RBM33: variants seen among roughly 807,000 people sequenced by gnomAD.
The protein encoded by RBM33 is RNA binding motif protein 33.
A neutral mutation model predicts 132.6 loss-of-function variants in RBM33; 28 were observed. That is an observed-to-expected ratio of 0.21 (90% CI 0.16 to 0.29). The LOEUF (loss-of-function observed/expected upper bound fraction) is 0.29. RBM33 is among the 10% of genes least tolerant of loss of function. The probability of loss-of-function intolerance (pLI) is 1.00; values close to 1 mark genes in which losing one functional copy is unlikely to be tolerated. For missense variants in RBM33, 1,291 were observed against 1,518.5 expected (o/e 0.85, Z 2.49); for synonymous variants, 634 against 593.0 (o/e 1.07, Z -1.01).
rs757969163 is a variant in RBM33 at position 155,707,040 on chromosome 7, C to T, written c.920C>T (p.Ala307Val). The T allele has an allele frequency of 7.0e-6, 11 of 1,561,706 alleles. No homozygotes were observed. Among genetic ancestry groups the T allele is most frequent in the South Asian group, 2.4e-5 (2 of 84,722 alleles). Residue 307 changes from alanine (A) to valine (V), a missense_variant, in exon 7 of 18, where the codon GCG (alanine) becomes GTG (valine). Transcript: ENST00000401878. ...GGCAGGATGAAGGACCACAGACCTGCGCTGCTTCCTACACAGCCTCCTGTC... is the reference window on the plus strand; with the variant it reads ...GGCAGGATGAAGGACCACAGACCTGTGCTGCTTCCTACACAGCCTCCTGTC... The part of the protein sequence containing the change: ...ERGRMKDHRP[A>V]LLPTQPPVVP...
At chr7:155,651,609 AG>A (rs1178805801) in intron 1 of RBM33, among the ~76,000 whole-genome samples, 2 of 146,350 alleles carry the variant, frequency 1.4e-5, no homozygotes, top group Non-Finnish European at 1.5e-5. Context: ...AAAAGGGTCT[AG>A]GTTCCTGGGA....
intron 7 of RBM33, among the ~76,000 whole-genome samples, chr7:155,709,405 C>T (rs1800211522): frequency 6.6e-6 from 1 of 152,088 alleles, no homozygotes; most frequent in African/African-American, 2.4e-5. Flanking sequence ...AGGTTTTGTT[C>T]TCGTCCTCCT....
At chr7:155,702,561 C>G (rs1233642166) in intron 6 of RBM33, among the ~76,000 whole-genome samples, 1 of 152,132 alleles carries the variant, frequency 6.6e-6, no homozygotes, top group Non-Finnish European at 1.5e-5. Flanking sequence ...TGAAAATAAA[C>G]AAAATACATC....
chr7:155,716,989 A>G (rs1274148531), intron 8 of RBM33, among the ~76,000 whole-genome samples: 1 of 152,204 alleles, frequency 6.6e-6, no homozygotes, highest in East Asian at 1.9e-4. Flanking sequence ...GTGCGATGTC[A>G]ATTATAAGGC....
At chr7:155,672,982 A>C in intron 3 of RBM33, 67 bp downstream of exon 3, 1 of 1,115,158 alleles carries the variant, frequency 9.0e-7, no homozygotes, top group Non-Finnish European at 1.3e-6. Flanking sequence ...TACAGCAGTA[A>C]TCACTTATAC....
intron 14 of RBM33, among the ~76,000 whole-genome samples, chr7:155,751,094 T>C (rs1423838652): frequency 6.6e-6 from 1 of 152,200 alleles, no homozygotes; most frequent in Non-Finnish European, 1.5e-5. Flanking sequence ...TGGAATGATA[T>C]GTATATACCT....
intron 1 of RBM33, among the ~76,000 whole-genome samples, chr7:155,661,061 A>G (rs557015829): frequency 3.5e-5 from 5 of 142,394 alleles, no homozygotes; most frequent in East Asian, 2.1e-4. Context: ...CAGAATTTCT[A>G]TTTGGTTTTT....
chr7:155,731,311 T>C (rs1800950711), intron 9 of RBM33, among the ~76,000 whole-genome samples: 1 of 152,234 alleles, frequency 6.6e-6, no homozygotes. Context: ...GGGCGTGTAC[T>C]GGAAGACCCC....
chr7:155,665,733 C>T (rs539263794), intron 2 of RBM33, among the ~76,000 whole-genome samples: 2 of 152,264 alleles, frequency 1.3e-5, no homozygotes, highest in Admixed American at 1.3e-4. Flanking sequence ...TTTAGGAATA[C>T]ACACAAACAC....
chr7:155,672,681 G>A (rs1450929214), intron 2 of RBM33, among the ~76,000 whole-genome samples, 186 bp from the exon 3 acceptor site: 1 of 150,686 alleles, frequency 6.6e-6, no homozygotes, highest in Non-Finnish European at 1.5e-5. Flanking sequence ...GGAGGCAGAG[G>A]TTGCAGTCAG....
Position 155,775,083 on chromosome 7 carries a change from T to C in RBM33, c.*42T>C. On this transcript the variant is annotated 3_prime_UTR_variant, in exon 18 of 18. Coordinates refer to ENST00000401878, the MANE Select transcript of RBM33 (RefSeq NM_053043.3). ...CTGACCTTAGGCTGTACACACACTG[T>C]GGAATTTCTTCAAGGGAGCTGCCGG... is the stretch of plus-strand genomic sequence containing the variant. 6.4e-7 allele frequency: 1 copy of C among 1,570,604 alleles called. No homozygotes were observed. The highest frequency in any genetic ancestry group is 1.3e-5 in the African/African-American group (1 of 74,158).
In RBM33 at chr7:155,745,068, G is replaced by A. The variant is rs1006418688; in HGVS notation, c.2445G>A (p.Gln815=). 5 of 1,606,416 alleles carry A rather than the reference G, an allele frequency of 3.1e-6. No individual in the cohort carries two copies. In the African/African-American group the frequency reaches 5.3e-5, roughly 17 times the overall value. Residue 815 remains glutamine, a synonymous_variant, in exon 14 of 18, where the codon CAG becomes CAA. Coordinates refer to ENST00000401878, the MANE Select transcript of RBM33 (RefSeq NM_053043.3). The surrounding 1 kb of genome is among the most constrained non-coding windows in gnomAD (Gnocchi z 4.1). ...LKQKELRRQQ[Q]AGARKKELLE... The stretch of plus-strand genomic sequence containing the variant: ...AGAAGGAGTTACGGCGGCAGCAGCA[G>A]GCTGGTGCCAGGAAGAAGGAGCTGC...
chr7:155,654,545 C>T (rs1250298870), intron 1 of RBM33, among the ~76,000 whole-genome samples: 2 of 152,136 alleles, frequency 1.3e-5, no homozygotes, highest in Admixed American at 1.3e-4. Context: ...TTCAACTCAC[C>T]TGAACTCCTT....
intron 7 of RBM33, among the ~76,000 whole-genome samples, chr7:155,708,664 A>G (rs1800187897): frequency 6.6e-6 from 1 of 152,218 alleles, no homozygotes; most frequent in African/African-American, 2.4e-5. Flanking sequence ...TTGGACTGTT[A>G]GAGCCTACTG....
At chr7:155,759,542 T>G (rs371396567) in intron 14 of RBM33, among the ~76,000 whole-genome samples, 6 of 151,150 alleles carry the variant, frequency 4.0e-5, no homozygotes, top group African/African-American at 1.5e-4. Context: ...CTCAGCCTCC[T>G]GAGTAGCTGG....
At chr7:155,737,994 G>C in intron 10 of RBM33, 66 bp from the exon 11 acceptor site, 1 of 1,385,174 alleles carries the variant, frequency 7.2e-7, no homozygotes, top group East Asian at 2.3e-5. Context: ...TAGTGCTTCA[G>C]ACTGCTTTTC....
intron 10 of RBM33, 43 bp downstream of exon 10, chr7:155,737,705 ATTGGGTGATGTG>A: frequency 6.6e-7 from 1 of 1,508,342 alleles, no homozygotes; most frequent in Non-Finnish European, 8.8e-7. Context: ...CAGAAGCTGC[ATTGGGTGATGTG>A]CCCAAACACA....
intron 7 of RBM33, among the ~76,000 whole-genome samples, chr7:155,710,821 G>C (rs1291804185): frequency 6.6e-6 from 1 of 152,104 alleles, no homozygotes; most frequent in East Asian, 1.9e-4. Context: ...GGGATGCAAG[G>C]CTGCTACAGG....
chr7:155,702,770 C>T (rs1489298966), intron 6 of RBM33, among the ~76,000 whole-genome samples: 1 of 152,208 alleles, frequency 6.6e-6, no homozygotes, highest in Non-Finnish European at 1.5e-5. Flanking sequence ...AAGGATTAGT[C>T]ATCACTACTG....
Sources: allele counts gnomAD v4.1 joint callset (sites outside exome capture counted in the v4.1 genomes callset), GRCh38; gene constraint gnomAD v4.1.1; non-coding constraint Gnocchi (gnomAD v3.1); transcripts MANE v1.5; gene names NCBI Gene and HGNC (gene_info 2026-07-23, HGNC 2026-07-21).